NRCAM: variants seen among roughly 807,000 people sequenced by gnomAD.
The protein encoded by NRCAM is neuronal cell adhesion molecule.
NRCAM carries 83 observed loss-of-function variants against 156.5 expected under a neutral mutation model. That is an observed-to-expected ratio of 0.53 (90% confidence interval 0.44 to 0.64). The LOEUF (loss-of-function observed/expected upper bound fraction) is 0.64. Among genes scored for constraint, NRCAM ranks in the 30% least tolerant of loss-of-function variants. The probability of loss-of-function intolerance (pLI) is 0.00; values close to 1 mark genes in which losing one functional copy is unlikely to be tolerated. For synonymous variants in NRCAM, 538 were observed against 563.9 expected (o/e 0.95, Z 0.65); for missense variants, 1,417 against 1,597.3 (o/e 0.89, Z 1.92).
At chr7:108,265,953 G>T (rs1563019677) in intron 3 of NRCAM, among the ~76,000 whole-genome samples, 2 of 152,216 alleles carry the variant, frequency 1.3e-5, no homozygotes, top group Non-Finnish European at 2.9e-5. Flanking sequence ...TCATGAAAGT[G>T]CTAGAAATAT....
intron 1 of NRCAM, among the ~76,000 whole-genome samples, chr7:108,439,607 C>T (rs1032293891): frequency 6.6e-6 from 1 of 152,064 alleles, no homozygotes; most frequent in Non-Finnish European, 1.5e-5. Flanking sequence ...GTAATCTCAG[C>T]ACTTTGGGAG....
At chr7:108,183,547 T>C (rs1563308126) in intron 22 of NRCAM, among the ~76,000 whole-genome samples, 1 of 148,894 alleles carries the variant, frequency 6.7e-6, no homozygotes, top group African/African-American at 2.4e-5. Context: ...TCTTTTTTTT[T>C]CTTTTTGGAG....
chr7:108,335,089 C>T (rs1318617115), intron 2 of NRCAM, among the ~76,000 whole-genome samples: 1 of 152,122 alleles, frequency 6.6e-6, no homozygotes, highest in Non-Finnish European at 1.5e-5. Flanking sequence ...GAAGAGGACA[C>T]TGAAGGTCAG....
At chr7:108,420,039 C>CATGTGT (rs111701989) in intron 1 of NRCAM, among the ~76,000 whole-genome samples, 1 of 146,640 alleles carries the variant, frequency 6.8e-6, no homozygotes, top group African/African-American at 2.6e-5. Context: ...TTAGTTCCAT[C>CATGTGT]GTGTGTGTGT....
intron 3 of NRCAM, among the ~76,000 whole-genome samples, chr7:108,253,224 T>C (rs746068971): frequency 2.0e-5 from 3 of 152,226 alleles, no homozygotes; most frequent in Non-Finnish European, 4.4e-5. Flanking sequence ...TGCTCAAAGC[T>C]GGGCTTGGGA....
chr7:108,329,507 A>C (rs1477425650), intron 2 of NRCAM, among the ~76,000 whole-genome samples: 1 of 152,236 alleles, frequency 6.6e-6, no homozygotes, highest in African/African-American at 2.4e-5. Flanking sequence ...TTCACCAGCT[A>C]TGATTCAAGT....
At chr7:108,191,350 A>C in intron 18 of NRCAM, 67 bp from the exon 19 acceptor site, 1 of 1,182,498 alleles carries the variant, frequency 8.5e-7, no homozygotes, top group Non-Finnish European at 1.2e-6. Context: ...AGATAGCACA[A>C]GATGACAAAG....
chr7:108,444,640 ATC>A (rs1244498569), intron 1 of NRCAM, among the ~76,000 whole-genome samples: 1 of 151,942 alleles, frequency 6.6e-6, no homozygotes, highest in Non-Finnish European at 1.5e-5. Flanking sequence ...TGGTTTGTAG[ATC>A]TCTGTCTTCA....
chr7:108,313,828 G>C (rs10224112), intron 2 of NRCAM, among the ~76,000 whole-genome samples: 34,690 of 151,960 alleles, frequency 0.23, 4,269 homozygotes, highest in African/African-American at 0.28. Context: ...TTGTGTAGGA[G>C]AGCATCTATA....
chr7:108,206,458 T>C (rs1193710797), intron 13 of NRCAM, among the ~76,000 whole-genome samples: 1 of 152,178 alleles, frequency 6.6e-6, no homozygotes, highest in Non-Finnish European at 1.5e-5. Context: ...TTGCAGGTAA[T>C]CATGTTATTG....
intron 2 of NRCAM, among the ~76,000 whole-genome samples, chr7:108,316,501 C>T (rs2154193021): frequency 6.6e-6 from 1 of 152,228 alleles, no homozygotes; most frequent in East Asian, 1.9e-4. Flanking sequence ...TCAGGCCGGG[C>T]ACGGTGGCTC....
chr7:108,414,662 T>C (rs1016051502), intron 1 of NRCAM, among the ~76,000 whole-genome samples: 3 of 152,140 alleles, frequency 2.0e-5, no homozygotes, highest in African/African-American at 7.2e-5. Context: ...TGGGAGCCAT[T>C]TGATACCACT....
chr7:108,299,114 A>AAAAAAAAG, intron 3 of NRCAM, among the ~76,000 whole-genome samples: 1 of 25,516 alleles, frequency 3.9e-5, no homozygotes, highest in Non-Finnish European at 8.0e-5. Context: ...TCAAAAAAAA[A>AAAAAAAAG]AAAGAAAGAA....
At chr7:108,248,242 T>A (rs1179385043) in intron 3 of NRCAM, among the ~76,000 whole-genome samples, 1 of 152,112 alleles carries the variant, frequency 6.6e-6, no homozygotes, top group East Asian at 1.9e-4. Flanking sequence ...AAGCAACACA[T>A]GGCAAAATGG....
intron 11 of NRCAM, among the ~76,000 whole-genome samples, chr7:108,216,242 C>A (rs1220926753): frequency 1.3e-5 from 2 of 152,170 alleles, no homozygotes; most frequent in African/African-American, 4.8e-5. Context: ...TATTGGCCCC[C>A]ACTTTCTTCT....
chr7:108,305,824 A>G (rs1183053711), intron 3 of NRCAM, among the ~76,000 whole-genome samples: 1 of 152,180 alleles, frequency 6.6e-6, no homozygotes, highest in Non-Finnish European at 1.5e-5. Context: ...TTTTAAATAG[A>G]TCGTATAATT....
intron 1 of NRCAM, among the ~76,000 whole-genome samples, chr7:108,435,024 T>C (rs1451850883): frequency 1.8e-5 from 1 of 54,106 alleles, no homozygotes; most frequent in Non-Finnish European, 3.4e-5. Flanking sequence ...GTGTGACTCA[T>C]ACATGGTAGG....
At chr7:108,353,821 C>T (rs77061518) in intron 2 of NRCAM, among the ~76,000 whole-genome samples, 2,323 of 152,328 alleles carry the variant, frequency 0.015, 48 homozygotes, top group African/African-American at 0.053. Flanking sequence ...AAGCACTTTA[C>T]AAGCAATGTT....
intron 1 of NRCAM, among the ~76,000 whole-genome samples, chr7:108,421,187 A>C (rs768207243): frequency 1.3e-5 from 2 of 152,212 alleles, no homozygotes; most frequent in Admixed American, 1.3e-4. Flanking sequence ...GTGTGTGTAT[A>C]AAACGTGTAA....
Sources: allele counts gnomAD v4.1 joint callset (sites outside exome capture counted in the v4.1 genomes callset), GRCh38; gene constraint gnomAD v4.1.1; transcripts MANE v1.5; gene names NCBI Gene and HGNC (gene_info 2026-07-23, HGNC 2026-07-21).